KLHL13: variants seen among roughly 807,000 people sequenced by gnomAD.
KLHL13 encodes the protein kelch-like protein 13.
Under a neutral mutation model 37.1 loss-of-function variants are expected in KLHL13, and 10 were observed. The observed-to-expected ratio is 0.27, with a 90% CI of 0.17 to 0.46. The LOEUF (loss-of-function observed/expected upper bound fraction) is 0.46. KLHL13 is among the 20% of genes least tolerant of loss of function. The pLI, the probability that KLHL13 is intolerant of heterozygous loss-of-function variation, is 1.00. For missense variants in KLHL13, 360 were observed against 509.3 expected (o/e 0.71, Z 2.82); for synonymous variants, 163 against 181.2 (o/e 0.90, Z 0.81).
chrX:118,028,741 T>C (rs2054301759), intron 1 of KLHL13, among the ~76,000 whole-genome samples: 1 of 112,322 alleles, frequency 8.9e-6, no homozygotes, highest in Non-Finnish European at 1.9e-5. Context: ...CTAAATTTCA[T>C]GTGAAATCAG....
intron 1 of KLHL13, among the ~76,000 whole-genome samples, chrX:118,026,266 C>A (rs1309223947): frequency 1.8e-5 from 2 of 111,663 alleles, no homozygotes; most frequent in Non-Finnish European, 1.9e-5. Flanking sequence ...TAATTAAAAT[C>A]TCACTTTTAT....
chrX:117,936,570 G>T (rs1932768089), intron 2 of KLHL13, among the ~76,000 whole-genome samples: 1 of 111,214 alleles, frequency 9.0e-6, no homozygotes. Flanking sequence ...GAAAATAAGT[G>T]GCCTCATCCA....
At chrX:118,000,273 G>T (rs777478379) in intron 1 of KLHL13, among the ~76,000 whole-genome samples, 1 of 111,943 alleles carries the variant, frequency 8.9e-6, no homozygotes, top group African/African-American at 3.2e-5. Flanking sequence ...ATCCATCACT[G>T]GGAATTGTGG....
intron 1 of KLHL13, among the ~76,000 whole-genome samples, chrX:117,982,992 C>T (rs1159941635): frequency 8.9e-6 from 1 of 111,780 alleles, no homozygotes; most frequent in East Asian, 2.8e-4. Flanking sequence ...CAGACAGATG[C>T]GAAGTGGGAA....
intron 1 of KLHL13, among the ~76,000 whole-genome samples, chrX:118,006,139 C>A (rs749061648): frequency 9.0e-6 from 1 of 111,577 alleles, no homozygotes; most frequent in Non-Finnish European, 1.9e-5. Context: ...TACTTACTTT[C>A]TATCCAACCC....
chrX:117,942,090 C>G (rs937141448), intron 2 of KLHL13, among the ~76,000 whole-genome samples: 2 of 111,637 alleles, frequency 1.8e-5, no homozygotes, highest in Non-Finnish European at 3.8e-5. Flanking sequence ...TCGTTATATA[C>G]CCAGTAGTCA....
intron 1 of KLHL13, among the ~76,000 whole-genome samples, chrX:118,033,937 A>G (rs1462658767): frequency 2.0e-5 from 2 of 97,662 alleles, no homozygotes; most frequent in Admixed American, 2.2e-4. Context: ...CAGGGGTTGC[A>G]ATCCTAGTCT....
chrX:117,935,147 A>AT (rs1366150765), intron 2 of KLHL13, among the ~76,000 whole-genome samples: 1 of 112,694 alleles, frequency 8.9e-6, no homozygotes, highest in Non-Finnish European at 1.9e-5. Context: ...AAATGAAAAC[A>AT]TGTCCTCACG....
In KLHL13 at chrX:117,947,442, A is replaced by T. The variant is rs910357997; in HGVS notation, c.99-1867T>A. ...GACCATCAATTATCATTCTTATGAA[A>T]CTGCAGATGTAAAAGGGATAGGAGT... On this transcript the variant is annotated intron_variant, in intron 1 of 6. Coordinates refer to ENST00000262820, the Ensembl canonical transcript of KLHL13. The T allele has an allele frequency of 2.7e-5, 3 of 112,022 alleles. No individual in the cohort carries two copies. In the Admixed American group the frequency reaches 2.8e-4, roughly 11 times the overall value. 9.2% of individuals were successfully genotyped at this position (112,022 alleles called of 1,213,427 possible).
At chrX:118,064,478 T>C (rs184849638) in intron 1 of KLHL13, among the ~76,000 whole-genome samples, 3 of 111,854 alleles carry the variant, frequency 2.7e-5, no homozygotes, top group East Asian at 5.6e-4. Context: ...TTTTAAAATA[T>C]TGATTTATCA....
At chrX:117,929,304 G>C (rs1932260245) in intron 2 of KLHL13, among the ~76,000 whole-genome samples, 2 of 111,715 alleles carry the variant, frequency 1.8e-5, no homozygotes, top group Admixed American at 9.5e-5. Context: ...ATTAGGAGGA[G>C]AGCATATATC....
intron 1 of KLHL13, chrX:117,983,536 C>G: frequency 8.8e-7 from 1 of 1,140,577 alleles, no homozygotes; most frequent in Non-Finnish European, 1.2e-6. Flanking sequence ...ATGACAATTG[C>G]CTCCGTCTCC....
chrX:118,095,830 T>C lies in KLHL13; in HGVS notation c.-56+20678A>G, dbSNP rs774168198. ...GAAATGAAGGCAGAAATAAAGATGTTCTTTGAAACCAATGAGAACAAAGAC... is the reference window on the plus strand; with the variant it reads ...GAAATGAAGGCAGAAATAAAGATGTCCTTTGAAACCAATGAGAACAAAGAC... On this transcript the variant is annotated intron_variant, in intron 1 of 6. Coordinates refer to the KLHL13 transcript ENST00000371882. 9.2e-3 allele frequency among the ~76,000 whole-genome samples: 1,030 copies of C among 112,050 alleles called. 14 individuals carry two copies. The highest frequency in any genetic ancestry group is 0.031 in the African/African-American group (969 of 30,816).
At chrX:118,028,998 C>A (rs1484661463) in intron 1 of KLHL13, among the ~76,000 whole-genome samples, 1 of 111,640 alleles carries the variant, frequency 9.0e-6, no homozygotes, top group Non-Finnish European at 1.9e-5. Context: ...TGTCTCCTAG[C>A]CACTTAGTAG....
chrX:118,031,609 ATATATATATTTAGTTG>A (rs2054348957), intron 1 of KLHL13, among the ~76,000 whole-genome samples: 1 of 86,237 alleles, frequency 1.2e-5, no homozygotes, highest in Admixed American at 1.3e-4. Context: ...ATATTTAGTT[ATATATATATTTAGTTG>A]TATATATATT....
intron 2 of KLHL13, 120 bp downstream of exon 3, chrX:117,945,314 C>T: frequency 1.5e-6 from 1 of 658,612 alleles, no homozygotes; most frequent in South Asian, 4.6e-5. Flanking sequence ...AGTTACCATA[C>T]ATTTCCTATT....
chrX:118,094,862 G>T (rs1160758206), intron 1 of KLHL13, among the ~76,000 whole-genome samples: 2 of 111,211 alleles, frequency 1.8e-5, no homozygotes, highest in Admixed American at 1.9e-4. Flanking sequence ...TCACCACCAG[G>T]CCTGCCCTAA....
At chrX:118,073,615 T>C (rs956053784) in intron 1 of KLHL13, among the ~76,000 whole-genome samples, 2 of 112,192 alleles carry the variant, frequency 1.8e-5, no homozygotes, top group African/African-American at 6.5e-5. Flanking sequence ...AACATTATTG[T>C]GATACAAATG....
chrX:117,915,929 C>T (rs1203488478), intron 4 of KLHL13, among the ~76,000 whole-genome samples: 1 of 112,549 alleles, frequency 8.9e-6, no homozygotes, highest in Admixed American at 9.3e-5. Flanking sequence ...GAGGCTGAGG[C>T]GGGTGGATCA....
Sources: gnomAD v4.1 joint callset for allele counts (sites outside exome capture counted in the v4.1 genomes callset) on GRCh38, gnomAD v4.1.1 for gene constraint, MANE v1.5 for transcripts, NCBI Gene and HGNC (gene_info 2026-07-23, HGNC 2026-07-21) for gene names.